EIF2B1: variants seen among roughly 807,000 people sequenced by gnomAD.
The protein encoded by EIF2B1 is eukaryotic translation initiation factor 2B subunit alpha, also known as translation initiation factor eIF2B subunit alpha.
EIF2B1 carries 30 observed loss-of-function variants against 36.8 expected under a neutral mutation model. That is an observed-to-expected ratio of 0.81 (90% CI 0.61 to 1.10). The LOEUF is 1.10. EIF2B1 is among the 50% of genes least tolerant of loss of function. EIF2B1 has a pLI of 0.00. For missense variants in EIF2B1, 271 were observed against 374.8 expected (o/e 0.72, Z 2.29); for synonymous variants, 139 against 142.2 (o/e 0.98, Z 0.16).
chr12:123,628,563 C>T (rs1047419230), intron 4 of EIF2B1, among the ~76,000 whole-genome samples: 3 of 151,868 alleles, frequency 2.0e-5, no homozygotes, highest in Non-Finnish European at 4.4e-5. Context: ...GAAGTTTTGC[C>T]ATGTTGCCCG....
chr12:123,632,270 TAAAA>T, intron 2 of EIF2B1, 71 bp downstream of exon 2: 7 of 762,806 alleles, frequency 9.2e-6, no homozygotes, highest in East Asian at 2.8e-5. Context: ...TCCGTCTCTT[TAAAA>T]AAAAAAAAAA....
chr12:123,626,331 T>A, intron 6 of EIF2B1, 94 bp downstream of exon 6: 1 of 1,500,006 alleles, frequency 6.7e-7, no homozygotes, highest in Non-Finnish European at 9.3e-7. Flanking sequence ...TGGTGTGGCT[T>A]TATGAACGGG....
At chr12:123,633,262 C>A (rs988511735) in intron 1 of EIF2B1, among the ~76,000 whole-genome samples, 1 of 148,944 alleles carries the variant, frequency 6.7e-6, no homozygotes, top group Non-Finnish European at 1.5e-5. Flanking sequence ...ATCAAATATG[C>A]CTTATTCATT....
At position 123,622,683 on chromosome 12, in the gene EIF2B1, CAAACTTG is replaced by C; in HGVS notation, c.699_705del (p.Phe233LeufsTer7). On this transcript the variant is annotated frameshift_variant, in exon 8 of 9. Transcript: ENST00000424014. LOFTEE classifies it high-confidence loss of function. The stretch of plus-strand genomic sequence containing the variant: ...TGCTGGTTTAGTGGAAAGAGCCGGA[CAAACTTG>C]AAACTTTCTGCAACCACATAGAAAG... 6.2e-7 allele frequency: 1 copy of C among 1,614,190 alleles called. No homozygotes were observed. The highest frequency in any genetic ancestry group is 8.5e-7 in the Non-Finnish European group (1 of 1,179,998).
rs1955098986 is a variant in EIF2B1 at position 123,621,584 on chromosome 12, A to G, written c.*172T>C. ...TTTAGAATAGCTGACACATTTTTAG[A>G]TGGGACTGAAATGAGTAAGAAAGGT... On this transcript the variant is annotated 3_prime_UTR_variant, in exon 9 of 9. Coordinates refer to ENST00000424014, the MANE Select transcript of EIF2B1 (RefSeq NM_001414.4). 3 of 757,202 alleles carry G rather than the reference A, an allele frequency of 4.0e-6. No individual in the cohort carries two copies. In the South Asian group the frequency reaches 5.0e-5, roughly 13 times the overall value. The allele number at this position is 757,202 out of a possible 1,614,324, so 46.9% of individuals were successfully genotyped here.
chr12:123,633,601 C>G lies in EIF2B1; in HGVS notation c.-44G>C. ...AGCCCCAGGGGACCCGAGCCGCCCG[C>G]GCTGTCTCGAACGGGTCCGCCGGCC... is the stretch of plus-strand genomic sequence containing the variant. On this transcript the variant is annotated 5_prime_UTR_variant, in exon 1 of 9. Transcript: ENST00000424014. 1 of 1,604,464 alleles carries G rather than the reference C, an allele frequency of 6.2e-7. No individual in the cohort carries two copies. The highest frequency in any genetic ancestry group is 8.5e-7 in the Non-Finnish European group (1 of 1,179,848).
intron 7 of EIF2B1, among the ~76,000 whole-genome samples, chr12:123,623,818 TTCTAAATTAAATAATGG>T (rs1245659972): frequency 6.6e-6 from 1 of 152,144 alleles, no homozygotes; most frequent in African/African-American, 2.4e-5. Flanking sequence ...CATGAAGCTT[TTCTAAATTAAATAATGG>T]AGAGAGAGAT....
chr12:123,629,616 A>T (rs1955173277), intron 4 of EIF2B1, among the ~76,000 whole-genome samples: 1 of 151,994 alleles, frequency 6.6e-6, no homozygotes, highest in African/African-American at 2.4e-5. Context: ...ACACAGTGAA[A>T]CCCCGTCTCT....
rs886049050 is a variant in EIF2B1, at chr12:123,621,331, C to G, written c.*425G>C. 6.0e-5 allele frequency: 17 copies of G among 283,786 alleles called. No homozygotes were observed. Among genetic ancestry groups the G allele is most frequent in the Non-Finnish European group, 7.6e-5 (11 of 144,756 alleles). The allele number at this position is 283,786 out of a possible 1,614,324, so 17.6% of individuals were successfully genotyped here. ...GTGTTTCTTGCCTCTTACAAGGCAC[C>G]GCGTGTAACGTCCTGACCAGCTGTT... On this transcript the variant is annotated 3_prime_UTR_variant, in exon 9 of 9. Coordinates refer to ENST00000424014, the MANE Select transcript of EIF2B1 (RefSeq NM_001414.4).
chr12:123,624,793 A>G lies in EIF2B1; in HGVS notation c.621T>C (p.Ile207=), dbSNP rs745690621. ...GGAGAACTGATGCTCTTACCTTGTT[A>G]ATAATTCCTCCGTTTTCAACAACTC... ...AEGVVENGGI[I]NKIGTNQMAV... The change falls in exon 7 of 9, where the codon ATT becomes ATC. Residue 207 remains isoleucine (I), a synonymous_variant. Transcript: ENST00000424014. The G allele has an allele frequency of 6.2e-7, 1 of 1,613,860 alleles. No homozygotes were observed. Among genetic ancestry groups the G allele is most frequent in the Admixed American group, 1.7e-5 (1 of 60,022 alleles).
At chr12:123,626,804 C>A in intron 5 of EIF2B1, 1 of 679,146 alleles carries the variant, frequency 1.5e-6, no homozygotes, top group Non-Finnish European at 2.7e-6. Flanking sequence ...AAATCTTCAT[C>A]AATACAATCT....
In EIF2B1 at chr12:123,621,797, G is replaced by A; in HGVS notation, c.877C>T (p.Pro293Ser). Residue 293 changes from proline (P) to serine (S), a missense_variant, in exon 9 of 9, where the codon CCC (proline) becomes TCC (serine). Transcript: ENST00000424014. Reference sequence around the variant, plus strand: ...ATGAGCTCATCGCTGACTGCTGAGGGTGTCAGCACGCCCAGGTCTGTAAAC... The same window carrying A: ...ATGAGCTCATCGCTGACTGCTGAGGATGTCAGCACGCCCAGGTCTGTAAAC... Reference protein sequence around the residue: ...LLFTDLGVLTPSAVSDELIKL... With the variant: ...LLFTDLGVLTSSAVSDELIKL... The A allele has an allele frequency of 6.2e-7, 1 of 1,614,014 alleles. No individual in the cohort carries two copies. The highest frequency in any genetic ancestry group is 8.5e-7 in the Non-Finnish European group (1 of 1,180,046).
chr12:123,629,462 A>T (rs1463761293), intron 4 of EIF2B1, among the ~76,000 whole-genome samples: 1 of 152,196 alleles, frequency 6.6e-6, no homozygotes, highest in African/African-American at 2.4e-5. Flanking sequence ...CTACACATAC[A>T]ATCATAAAAA....
In EIF2B1 at chr12:123,621,008, T is replaced by C. The variant is rs1258107005; in HGVS notation, c.*748A>G. ...AGATGGCCTGGTCAGCTTGCAGTAT[T>C]GATGCAACACCACATCAGCGTCTTT... On this transcript the variant is annotated 3_prime_UTR_variant, in exon 9 of 9. Coordinates refer to ENST00000424014, the MANE Select transcript of EIF2B1 (RefSeq NM_001414.4). 1.3e-5 allele frequency: 2 copies of C among 153,368 alleles called. No individual in the cohort carries two copies. Among genetic ancestry groups the C allele is most frequent in the African/African-American group, 4.8e-5 (2 of 41,444 alleles). The allele number at this position is 153,368 out of a possible 1,614,324, so 9.5% of individuals were successfully genotyped here.
At chr12:123,624,390 C>G (rs1212732570) in intron 7 of EIF2B1, among the ~76,000 whole-genome samples, 1 of 151,640 alleles carries the variant, frequency 6.6e-6, no homozygotes, top group Non-Finnish European at 1.5e-5. Flanking sequence ...TCCTGGGCAG[C>G]TGGAACTACA....
Position 123,630,378 on chromosome 12 carries a change from A to G in EIF2B1, c.252+19T>C. ...AACAGAGAAGTGGAAAGGTAACCCC[A>G]GGGAGAACAGGCACTTACGGAGTAT... On this transcript the variant is annotated intron_variant, in intron 3 of 8. Transcript: ENST00000424014. This position sits in a 1 kb window ranked among gnomAD's most constrained non-coding sequence, Gnocchi z 4.6. The G allele has an allele frequency of 6.2e-7, 1 of 1,614,172 alleles. No homozygotes were observed. Among genetic ancestry groups the G allele is most frequent in the Non-Finnish European group, 8.5e-7 (1 of 1,180,028 alleles).
At chr12:123,633,213 GC>G (rs970310283) in intron 1 of EIF2B1, among the ~76,000 whole-genome samples, 16 of 148,910 alleles carry the variant, frequency 1.1e-4, no homozygotes, top group African/African-American at 4.0e-4. Flanking sequence ...GTATTAGTTT[GC>G]CCTTGTTTTT....
At chr12:123,624,021 A>G (rs1251332150) in intron 7 of EIF2B1, among the ~76,000 whole-genome samples, 1 of 151,210 alleles carries the variant, frequency 6.6e-6, no homozygotes, top group Non-Finnish European at 1.5e-5. Context: ...TGGGCAACAG[A>G]GTGAATGTGT....
At chr12:123,632,925 G>A in intron 1 of EIF2B1, among the ~76,000 whole-genome samples, 1 of 132,022 alleles carries the variant, frequency 7.6e-6, no homozygotes, top group African/African-American at 2.9e-5. Flanking sequence ...CAGCCTGGGT[G>A]ACAGAGCGAG....
Sources: allele counts gnomAD v4.1 joint callset (sites outside exome capture counted in the v4.1 genomes callset), GRCh38; gene constraint gnomAD v4.1.1; non-coding constraint Gnocchi (gnomAD v3.1); transcripts MANE v1.5; gene names NCBI Gene and HGNC (gene_info 2026-07-23, HGNC 2026-07-21).